FREM1: variants seen among roughly 807,000 people sequenced by gnomAD.
The protein encoded by FREM1 is FRAS1 related extracellular matrix 1.
FREM1 carries 220 observed loss-of-function variants against 210.1 expected under a neutral mutation model. The observed-to-expected ratio is 1.05, with a 90% CI of 0.94 to 1.17. FREM1 has a LOEUF of 1.17. Among genes scored for constraint, FREM1 ranks in the 50% most tolerant of loss-of-function variants. The pLI, the probability that FREM1 is intolerant of heterozygous loss-of-function variation, is 0.00. For synonymous variants in FREM1, 1,189 were observed against 980.2 expected (o/e 1.21, Z -3.98); for missense variants, 3,454 against 2,675.5 (o/e 1.29, Z -6.42).
At chr9:14,810,447 G>A (rs1234555024) in intron 16 of FREM1, among the ~76,000 whole-genome samples, 2 of 152,070 alleles carry the variant, frequency 1.3e-5, no homozygotes, top group African/African-American at 2.4e-5. Context: ...TAATCATAGT[G>A]TTATTAAAAA....
intron 16 of FREM1, among the ~76,000 whole-genome samples, chr9:14,809,853 A>G (rs1819071928): frequency 6.6e-6 from 1 of 151,178 alleles, no homozygotes; most frequent in Non-Finnish European, 1.5e-5. Flanking sequence ...GTAGAGAAGG[A>G]AATGCAGTGT....
At chr9:14,875,963 A>G (rs1833635765) in intron 1 of FREM1, among the ~76,000 whole-genome samples, 1 of 152,186 alleles carries the variant, frequency 6.6e-6, no homozygotes, top group Non-Finnish European at 1.5e-5. Flanking sequence ...TTGCCTGGGT[A>G]TCCACAGCAG....
At chr9:14,795,255 G>C (rs1160139717) in intron 21 of FREM1, among the ~76,000 whole-genome samples, 1 of 152,178 alleles carries the variant, frequency 6.6e-6, no homozygotes, top group Non-Finnish European at 1.5e-5. Context: ...ATCCTATTAA[G>C]AGGATACCAC....
At chr9:14,758,781 T>C (rs981770201) in intron 28 of FREM1, among the ~76,000 whole-genome samples, 4 of 151,954 alleles carry the variant, frequency 2.6e-5, no homozygotes, top group African/African-American at 9.7e-5. Context: ...TAACGACTCC[T>C]AAAAAAAATT....
intron 23 of FREM1, among the ~76,000 whole-genome samples, chr9:14,788,475 T>C (rs945368498): frequency 6.6e-6 from 1 of 152,214 alleles, no homozygotes; most frequent in Non-Finnish European, 1.5e-5. Flanking sequence ...AGTTTATCTT[T>C]ATTATTTTTA....
chr9:14,765,979 T>C (rs997590905), intron 27 of FREM1, among the ~76,000 whole-genome samples: 5 of 152,112 alleles, frequency 3.3e-5, no homozygotes, highest in Admixed American at 3.3e-4. Context: ...CTGTGTAACT[T>C]AGTTTGGGGC....
At chr9:14,789,319 G>A (rs996310082) in intron 22 of FREM1, among the ~76,000 whole-genome samples, 2 of 151,852 alleles carry the variant, frequency 1.3e-5, no homozygotes, top group African/African-American at 2.4e-5. Flanking sequence ...GAAAAACACC[G>A]GCTTCAACCA....
chr9:14,811,748 C>T (rs1819446955), intron 16 of FREM1, among the ~76,000 whole-genome samples: 1 of 151,992 alleles, frequency 6.6e-6, no homozygotes, highest in Admixed American at 6.6e-5. Context: ...TGAATTAATC[C>T]TTTGCTATCT....
At chr9:14,881,193 C>G (rs139025416) in intron 1 of FREM1, among the ~76,000 whole-genome samples, 2 of 152,184 alleles carry the variant, frequency 1.3e-5, no homozygotes, top group African/African-American at 2.4e-5. Flanking sequence ...TGAAACCCCA[C>G]GGATATCTTG....
intron 1 of FREM1, among the ~76,000 whole-genome samples, chr9:14,893,632 G>GT (rs747484666): frequency 4.6e-5 from 7 of 152,052 alleles, no homozygotes; most frequent in Non-Finnish European, 7.3e-5. Context: ...AGTAAAAAGT[G>GT]TAATGCCTTT....
intron 4 of FREM1, among the ~76,000 whole-genome samples, chr9:14,858,823 A>G (rs1446829086): frequency 6.6e-6 from 1 of 152,174 alleles, no homozygotes; most frequent in East Asian, 1.9e-4. Context: ...GCTATTACTA[A>G]TAACAGCTGA....
At chr9:14,874,390 C>CTTG (rs1208910620) in intron 1 of FREM1, among the ~76,000 whole-genome samples, 3 of 150,558 alleles carry the variant, frequency 2.0e-5, no homozygotes, top group Non-Finnish European at 4.4e-5. Flanking sequence ...GTTAGCTCTT[C>CTTG]TTGTTGAATT....
intron 23 of FREM1, among the ~76,000 whole-genome samples, chr9:14,785,217 C>T (rs1850226013): frequency 6.6e-6 from 1 of 152,192 alleles, no homozygotes; most frequent in Non-Finnish European, 1.5e-5. Flanking sequence ...TATACACAAA[C>T]TGTGTTCTGT....
In FREM1 at chr9:14,737,507, T is replaced by C; in HGVS notation, c.6429A>G (p.Gln2143=). ...AFTNGRRGPS[Q]RSKLGKSCVL... ...CACAGCTCTTTCCAAGCTTGGAGCGTTGAGAGGGCCCTCTTCTCCCATTGG... is the reference window on the plus strand; with the variant it reads ...CACAGCTCTTTCCAAGCTTGGAGCGCTGAGAGGGCCCTCTTCTCCCATTGG... The change falls in exon 37 of 37, where the codon CAA becomes CAG. Residue 2143 remains glutamine (Q), a synonymous_variant. Transcript: ENST00000380880. 1 of 1,613,444 alleles carries C rather than the reference T, an allele frequency of 6.2e-7. No individual in the cohort carries two copies. Among genetic ancestry groups the C allele is most frequent in the Non-Finnish European group, 8.5e-7 (1 of 1,179,636 alleles).
intron 19 of FREM1, among the ~76,000 whole-genome samples, chr9:14,803,060 C>T (rs1477716029): frequency 1.9e-5 from 2 of 104,412 alleles, no homozygotes; most frequent in Non-Finnish European, 3.6e-5. Flanking sequence ...CTTTCTTTTT[C>T]TTTTCTTTCT....
At position 14,863,910 on chromosome 9, in the gene FREM1, C is replaced by A; in HGVS notation, c.235-7G>T. The A allele has an allele frequency of 6.4e-7, 1 of 1,557,186 alleles. No individual in the cohort carries two copies. The highest frequency in any genetic ancestry group is 1.1e-5 in the South Asian group (1 of 89,626). Reference sequence around the variant, plus strand: ...GGAAATGGCAGTCAAAGACCTAGTTCACATGAAGAATTGGATAAATATCTA... The same window carrying A: ...GGAAATGGCAGTCAAAGACCTAGTTAACATGAAGAATTGGATAAATATCTA... On this transcript the variant is annotated splice_region_variant and splice_polypyrimidine_tract_variant and intron_variant, in intron 2 of 36. Transcript: ENST00000380880.
intron 5 of FREM1, among the ~76,000 whole-genome samples, chr9:14,856,473 T>C (rs1277845024): frequency 6.6e-6 from 1 of 152,208 alleles, no homozygotes; most frequent in Non-Finnish European, 1.5e-5. Flanking sequence ...ATGTTCAATA[T>C]TTGACTGGGC....
At chr9:14,865,661 CTGTGTGTGTGTGTGTG>C (rs56960871) in intron 2 of FREM1, among the ~76,000 whole-genome samples, 6 of 144,516 alleles carry the variant, frequency 4.2e-5, no homozygotes, top group Non-Finnish European at 9.1e-5. Context: ...AATGTTTAGG[CTGTGTGTGTGTGTGTG>C]TGTGTGTGTG....
intron 25 of FREM1, among the ~76,000 whole-genome samples, 162 bp downstream of exon 25, chr9:14,775,627 G>C (rs932586262): frequency 6.7e-6 from 1 of 148,786 alleles, no homozygotes; most frequent in African/African-American, 2.5e-5. Context: ...AGAATCGCTT[G>C]AGCCCAGGAG....
Sources: gnomAD v4.1 joint callset for allele counts (sites outside exome capture counted in the v4.1 genomes callset) on GRCh38, gnomAD v4.1.1 for gene constraint, MANE v1.5 for transcripts, NCBI Gene and HGNC (gene_info 2026-07-23, HGNC 2026-07-21) for gene names.